The following KATNAL2 variants were observed in gnomAD, a reference collection of about 807,000 sequenced individuals.
The protein encoded by KATNAL2 is katanin catalytic subunit A1 like 2.
KATNAL2 carries 52 observed loss-of-function variants against 76.3 expected under a neutral mutation model. The ratio of observed to expected loss-of-function variants is 0.68; its 90% CI spans 0.55 to 0.86. KATNAL2 has a LOEUF of 0.86. Among genes scored for constraint, KATNAL2 ranks in the 40% least tolerant of loss-of-function variants. KATNAL2 has a pLI of 0.00. For missense variants in KATNAL2, 660 were observed against 668.9 expected (o/e 0.99, Z 0.15); for synonymous variants, 243 against 244.2 (o/e 1.00, Z 0.05).
chr18:46,932,673 CAAAAAAAAAAA>C (rs1162695359), intron 1 of KATNAL2, among the ~76,000 whole-genome samples: 1 of 42,850 alleles, frequency 2.3e-5, no homozygotes, highest in East Asian at 7.8e-4. Flanking sequence ...GACTCTGTCT[CAAAAAAAAAAA>C]AAAAAAAAAA....
intron 1 of KATNAL2, among the ~76,000 whole-genome samples, chr18:46,940,952 G>T (rs2059229092): frequency 6.6e-6 from 1 of 152,100 alleles, no homozygotes; most frequent in African/African-American, 2.4e-5. Context: ...TTGAACCCAG[G>T]AGTTCCAGGC....
intron 1 of KATNAL2, among the ~76,000 whole-genome samples, chr18:46,919,418 G>T (rs142960808): frequency 2.0e-5 from 3 of 152,016 alleles, no homozygotes; most frequent in South Asian, 4.1e-4. Context: ...CCCTGGAGGC[G>T]GAGGTTCCAG....
intron 3 of KATNAL2, chr18:47,034,601 T>C: frequency 6.2e-7 from 1 of 1,614,144 alleles, no homozygotes; most frequent in South Asian, 1.1e-5. Context: ...TTGCTGTGGC[T>C]CACAACGGCT....
chr18:47,086,584 GGATTACAGGCGT>G (rs1204921197), intron 15 of KATNAL2, among the ~76,000 whole-genome samples: 2 of 152,148 alleles, frequency 1.3e-5, no homozygotes, highest in Non-Finnish European at 2.9e-5. Flanking sequence ...CAAACTGTTG[GGATTACAGGCGT>G]GAGCCACTGT....
chr18:47,072,505 G>A (rs1675633307), intron 13 of KATNAL2, among the ~76,000 whole-genome samples: 1 of 152,156 alleles, frequency 6.6e-6, no homozygotes, highest in South Asian at 2.1e-4. Context: ...AAGTGCAGTG[G>A]CACTATCACA....
chr18:46,941,640 G>A (rs1190610754), intron 1 of KATNAL2, among the ~76,000 whole-genome samples: 2 of 152,112 alleles, frequency 1.3e-5, no homozygotes, highest in African/African-American at 2.4e-5. Context: ...CTCCTGTTGA[G>A]TAGTTGGGAC....
At chr18:47,075,004 T>C (rs765223528) in intron 13 of KATNAL2, among the ~76,000 whole-genome samples, 8 of 152,214 alleles carry the variant, frequency 5.3e-5, no homozygotes, top group Admixed American at 4.6e-4. Flanking sequence ...CCTAAATTTA[T>C]CTGAAGCTCT....
intron 15 of KATNAL2, among the ~76,000 whole-genome samples, chr18:47,093,799 C>G (rs2063111966): frequency 6.6e-6 from 1 of 152,242 alleles, no homozygotes; most frequent in South Asian, 2.1e-4. Context: ...CATAGGCCAC[C>G]ATGCCTGGCC....
rs1485395399 is a variant in KATNAL2 at position 47,052,904 on chromosome 18, G to A, written c.147G>A (p.Leu49=). The A allele has an allele frequency of 6.2e-7, 1 of 1,609,340 alleles. No individual in the cohort carries two copies. Among genetic ancestry groups the A allele is most frequent in the South Asian group, 1.1e-5 (1 of 89,814 alleles). The change falls in exon 5 of 18, where the codon TTG becomes TTA. Residue 49 remains leucine (L), a synonymous_variant. Transcript: ENST00000683218. ...QEGYIDTANA[L]EQETKLGLRR... ...GGTATATCGATACAGCAAATGCTTT[G>A]GAGCAAGAAACTAAACTGGGGTTAC...
intron 15 of KATNAL2, among the ~76,000 whole-genome samples, chr18:47,079,938 C>T (rs72903283): frequency 0.026 from 4,014 of 152,166 alleles, 59 homozygotes; most frequent in Non-Finnish European, 0.041. Flanking sequence ...GATTGATCAC[C>T]GGGTTCAGGT....
intron 1 of KATNAL2, among the ~76,000 whole-genome samples, chr18:46,926,897 A>T (rs1344851000): frequency 6.6e-6 from 1 of 152,154 alleles, no homozygotes; most frequent in Non-Finnish European, 1.5e-5. Context: ...ATCAGAGACT[A>T]GGATTGCAAC....
At chr18:47,083,951 G>A (rs1392642169) in intron 15 of KATNAL2, among the ~76,000 whole-genome samples, 1 of 152,146 alleles carries the variant, frequency 6.6e-6, no homozygotes, top group South Asian at 2.1e-4. Context: ...TTGTAAAAGG[G>A]CTAGAAATCC....
Position 47,059,563 on chromosome 18 carries a change from T to C in KATNAL2, c.458T>C (p.Val153Ala). 6.2e-7 allele frequency: 1 copy of C among 1,607,764 alleles called. No homozygotes were observed. Reference protein sequence around the residue: ...LNKEHPNQEVVDNTRLESANF... With the variant: ...LNKEHPNQEVADNTRLESANF... ...TTGTCTCTCTTTCTTCAGGAGGTAG[T>C]TGATAACACTCGCCTGGAAAGTGCC... The change falls in exon 8 of 18, where the codon GTT becomes GCT. Residue 153 changes from valine to alanine, a missense_variant. Coordinates refer to ENST00000683218, the MANE Select transcript of KATNAL2 (RefSeq NM_001387690.1).
chr18:47,047,810 G>A (rs879584045), intron 4 of KATNAL2, among the ~76,000 whole-genome samples: 1 of 152,064 alleles, frequency 6.6e-6, no homozygotes, highest in Non-Finnish European at 1.5e-5. Context: ...CTGGGCTCAA[G>A]GGATCCTCTC....
rs2059376383 is a variant in KATNAL2, at chr18:46,946,061, A to C, written c.-505A>C. 3.0e-6 allele frequency: 1 copy of C among 335,384 alleles called. No individual in the cohort carries two copies. The highest frequency in any genetic ancestry group is 6.5e-5 in the Admixed American group (1 of 15,476). The allele number at this position is 335,384 out of a possible 1,614,324, so 20.8% of individuals were successfully genotyped here. ...AGAACTTTTTTTTTTTTGTAGATTGAGGAAACTTGAATATTTTTGTATCCT... is the reference window on the plus strand; with the variant it reads ...AGAACTTTTTTTTTTTTGTAGATTGCGGAAACTTGAATATTTTTGTATCCT... On this transcript the variant is annotated 5_prime_UTR_variant, in exon 2 of 18. Coordinates refer to ENST00000683218, the MANE Select transcript of KATNAL2 (RefSeq NM_001387690.1).
At chr18:46,921,033 A>G (rs7240909) in intron 1 of KATNAL2, among the ~76,000 whole-genome samples, 11,626 of 152,276 alleles carry the variant, frequency 0.076, 476 homozygotes, top group African/African-American at 0.098. Flanking sequence ...CAATTACCTG[A>G]CTAGGCTACC....
intron 8 of KATNAL2, among the ~76,000 whole-genome samples, chr18:47,060,842 G>A (rs1428679724): frequency 6.6e-6 from 1 of 152,090 alleles, no homozygotes; most frequent in Admixed American, 6.5e-5. Flanking sequence ...CACCTCCCTT[G>A]GAAAAATGTC....
In KATNAL2 at chr18:47,058,352, G is replaced by T; in HGVS notation, c.450G>T (p.Gln150His). 6.3e-7 allele frequency: 1 copy of T among 1,584,086 alleles called. No homozygotes were observed. Among genetic ancestry groups the T allele is most frequent in the East Asian group, 2.2e-5 (1 of 44,712 alleles). The change falls in exon 7 of 18, where the codon CAG (glutamine) becomes CAT (histidine). Residue 150 changes from glutamine (Q) to histidine (H), a missense_variant and splice_region_variant. Transcript: ENST00000683218. ...CGCTCAATAAGGAGCATCCTAATCAGGTCAGGATGGCTTGGCTTGACTTTG... is the reference window on the plus strand; with the variant it reads ...CGCTCAATAAGGAGCATCCTAATCATGTCAGGATGGCTTGGCTTGACTTTG... ...TKSLNKEHPN[Q>H]EVVDNTRLES...
intron 15 of KATNAL2, among the ~76,000 whole-genome samples, chr18:47,090,417 T>C (rs534370818): frequency 6.0e-4 from 91 of 152,274 alleles, no homozygotes; most frequent in African/African-American, 2.1e-3. Context: ...CGAAATAGTA[T>C]TTCTTGAGCA....
Sources: gnomAD v4.1 joint callset for allele counts (sites outside exome capture counted in the v4.1 genomes callset) on GRCh38, gnomAD v4.1.1 for gene constraint, MANE v1.5 for transcripts, NCBI Gene and HGNC (gene_info 2026-07-23, HGNC 2026-07-21) for gene names.